The following TET1 variants were observed in gnomAD, a reference collection of about 807,000 sequenced individuals.
TET1 encodes the protein tet methylcytosine dioxygenase 1, also known as methylcytosine dioxygenase TET1.
Under a neutral mutation model 148.7 loss-of-function variants are expected in TET1, and 13 were observed. The ratio of observed to expected loss-of-function variants is 0.09; its 90% confidence interval spans 0.06 to 0.14. The LOEUF (loss-of-function observed/expected upper bound fraction) is 0.14. Ranked by LOEUF, TET1 falls within the 10% of genes least tolerant of loss-of-function variation. The pLI is 1.00. For synonymous variants in TET1, 907 were observed against 937.2 expected, an observed-to-expected ratio of 0.97 and a Z score of 0.59; for missense variants, 2,182 against 2,553.8, an observed-to-expected ratio of 0.85 and a Z score of 3.14.
intron 2 of TET1, among the ~76,000 whole-genome samples, chr10:68,597,086 T>C (rs1589062468): frequency 6.8e-6 from 1 of 147,672 alleles, no homozygotes. Flanking sequence ...TAGGCTGGAG[T>C]GCAGTGGCAC....
At chr10:68,606,132 C>G (rs1445373003) in intron 3 of TET1, among the ~76,000 whole-genome samples, 3 of 151,354 alleles carry the variant, frequency 2.0e-5, no homozygotes, top group Non-Finnish European at 4.4e-5. Context: ...TTTGAGAGGC[C>G]AGGATGAGTG....
chr10:68,677,835 G>C (rs560228038), intron 8 of TET1, among the ~76,000 whole-genome samples: 2 of 152,146 alleles, frequency 1.3e-5, no homozygotes, highest in African/African-American at 4.8e-5. Flanking sequence ...GGCCAGGCTG[G>C]TCTTGAACTC....
intron 7 of TET1, among the ~76,000 whole-genome samples, chr10:68,671,475 G>A (rs2055271125): frequency 6.6e-6 from 1 of 152,150 alleles, no homozygotes. Context: ...TTGATTACGT[G>A]TCTTTGGTAT....
chr10:68,686,777 CTTAT>C (rs1311311605), intron 11 of TET1, 70 bp downstream of exon 11: 6 of 1,412,238 alleles, frequency 4.2e-6, no homozygotes, highest in African/African-American at 2.9e-5. Flanking sequence ...TTTGCCTTGC[CTTAT>C]TTGTTTAGAG....
intron 2 of TET1, among the ~76,000 whole-genome samples, chr10:68,577,022 C>T (rs1311054756): frequency 1.3e-5 from 2 of 152,144 alleles, no homozygotes; most frequent in African/African-American, 4.8e-5. Context: ...CATTCTCCTG[C>T]CTCAGCCTCC....
chr10:68,640,765 A>G (rs998983078), intron 3 of TET1, among the ~76,000 whole-genome samples: 1 of 150,430 alleles, frequency 6.6e-6, no homozygotes, highest in South Asian at 2.1e-4. Flanking sequence ...GTTAGCCAGG[A>G]TGGTCTCTAT....
At chr10:68,589,662 ATTTTTTTTTTTTTT>A (rs57278279) in intron 2 of TET1, among the ~76,000 whole-genome samples, 1 of 109,766 alleles carries the variant, frequency 9.1e-6, no homozygotes, top group Non-Finnish European at 1.7e-5. Flanking sequence ...AATATCTCCA[ATTTTTTTTTTTTTT>A]TTTTTTTTTT....
Position 68,590,283 on chromosome 10 carries a change from T to TTTTG in TET1, c.1915-10682_1915-10679dup, listed in dbSNP as rs201199097. On this transcript the variant is annotated intron_variant, in intron 2 of 11. Transcript: ENST00000373644. ...ATGTACCACCATGCCCGGCTAGTGT[T>TTTTG]TTTGTTTGTTTGTTTGTTTTTGTTT... is the stretch of plus-strand genomic sequence containing the variant. 3.7e-3 allele frequency among the ~76,000 whole-genome samples: 569 copies of TTTTG among 151,754 alleles called. 7 individuals are homozygous for TTTTG. Among genetic ancestry groups the TTTTG allele is most frequent in the Admixed American group, 0.025 (382 of 15,204 alleles).
chr10:68,633,840 T>C (rs1301039413), intron 3 of TET1, among the ~76,000 whole-genome samples: 1 of 152,132 alleles, frequency 6.6e-6, no homozygotes, highest in Non-Finnish European at 1.5e-5. Flanking sequence ...ATCAGGATTA[T>C]AGAGAAATGA....
intron 1 of TET1, among the ~76,000 whole-genome samples, chr10:68,564,302 C>T (rs965861487): frequency 6.6e-6 from 1 of 151,784 alleles, no homozygotes. Context: ...GCATGCGCTA[C>T]CATGCCCGGC....
intron 3 of TET1, among the ~76,000 whole-genome samples, chr10:68,629,792 TC>T (rs900798772): frequency 6.6e-6 from 1 of 152,118 alleles, no homozygotes; most frequent in African/African-American, 2.4e-5. Flanking sequence ...CAATTTGGCC[TC>T]CCAAAGTGCT....
chr10:68,593,252 A>AAAAAAAAAAC (rs2053939634), intron 2 of TET1, among the ~76,000 whole-genome samples: 1 of 150,984 alleles, frequency 6.6e-6, no homozygotes, highest in African/African-American at 2.4e-5. Context: ...AAAAAAAAAA[A>AAAAAAAAAAC]AAAAGAGGTG....
chr10:68,672,803 T>G, intron 7 of TET1, 92 bp from the exon 8 acceptor site: 1 of 1,048,538 alleles, frequency 9.5e-7, no homozygotes, highest in Non-Finnish European at 1.4e-6. Context: ...TCTTTAGGCA[T>G]CCATCCTTCT....
chr10:68,574,261 A>G lies in TET1; in HGVS notation c.1914+9A>G, dbSNP rs953567655. 1 of 1,607,048 alleles carries G rather than the reference A, an allele frequency of 6.2e-7. No homozygotes were observed. The highest frequency in any genetic ancestry group is 1.1e-5 in the South Asian group (1 of 90,502). ...TTGTTGTGCCTCTGGAGGTAAGCAA[A>G]CAGTCAAGGGGCTGGGAGACAGCTG... On this transcript the variant is annotated intron_variant, in intron 2 of 11. Transcript: ENST00000373644.
At chr10:68,682,703 T>C (rs770461479) in intron 9 of TET1, 133 bp from the exon 10 acceptor site, 1 of 1,025,022 alleles carries the variant, frequency 9.8e-7, no homozygotes, top group South Asian at 1.7e-5. Flanking sequence ...TTCATGACAA[T>C]AATACATTTA....
intron 2 of TET1, among the ~76,000 whole-genome samples, chr10:68,578,991 T>C (rs2053762837): frequency 6.6e-6 from 1 of 152,164 alleles, no homozygotes; most frequent in Admixed American, 6.6e-5. Flanking sequence ...CACTCCAGCC[T>C]GGGTGACATA....
chr10:68,676,514 T>C (rs568907050), intron 8 of TET1, among the ~76,000 whole-genome samples: 14 of 151,734 alleles, frequency 9.2e-5, no homozygotes, highest in Non-Finnish European at 2.1e-4. Context: ...GACCTTGTGA[T>C]CCGCCTGCCT....
In TET1 at chr10:68,560,674, T is replaced by G. The variant is rs954009591; in HGVS notation, c.-191T>G. The G allele has an allele frequency of 7.2e-5, 11 of 152,518 alleles. No individual in the cohort carries two copies. The highest frequency in any genetic ancestry group is 2.4e-4 in the African/African-American group (10 of 41,440). The allele number at this position is 152,518 out of a possible 1,614,324, so 9.4% of individuals were successfully genotyped here. Reference sequence around the variant, plus strand: ...GGGGACCGGCGCGAGTTGGAAAGTTTGCCCGAGGGCTGGTGCAGGCTTGGA... The same window carrying G: ...GGGGACCGGCGCGAGTTGGAAAGTTGGCCCGAGGGCTGGTGCAGGCTTGGA... On this transcript the variant is annotated 5_prime_UTR_variant, in exon 1 of 12. Coordinates refer to ENST00000373644, the MANE Select transcript of TET1 (RefSeq NM_030625.3).
At chr10:68,689,545 C>T (rs573083850) in intron 11 of TET1, among the ~76,000 whole-genome samples, 1 of 151,874 alleles carries the variant, frequency 6.6e-6, no homozygotes, top group East Asian at 1.9e-4. Flanking sequence ...TACTAAAATA[C>T]AAAAAATTAG....
Sources: allele counts gnomAD v4.1 joint callset (sites outside exome capture counted in the v4.1 genomes callset), GRCh38; gene constraint gnomAD v4.1.1; transcripts MANE v1.5; gene names NCBI Gene and HGNC (gene_info 2026-07-23, HGNC 2026-07-21).